Variants in MAPRE2 observed in about 807,000 individuals in gnomAD.
MAPRE2 encodes microtubule-associated protein RP/EB family member 2.
Under a neutral mutation model 43.2 loss-of-function variants are expected in MAPRE2, and 13 were observed. The observed-to-expected ratio is 0.30, with a 90% CI of 0.20 to 0.48. The LOEUF (loss-of-function observed/expected upper bound fraction) is 0.48. Ranked by LOEUF, MAPRE2 falls within the 20% of genes least tolerant of loss-of-function variation. MAPRE2 has a pLI of 0.99. For missense variants in MAPRE2, 161 were observed against 400.2 expected (o/e 0.40, Z 5.10); for synonymous variants, 135 against 148.8 (o/e 0.91, Z 0.68).
At chr18:35,014,052 A>G (rs1167298902) in intron 2 of MAPRE2, among the ~76,000 whole-genome samples, 1 of 152,158 alleles carries the variant, frequency 6.6e-6, no homozygotes, top group Non-Finnish European at 1.5e-5. Flanking sequence ...GGCAGGAGGC[A>G]AGAGGGGAGA....
intron 2 of MAPRE2, among the ~76,000 whole-genome samples, chr18:35,087,871 T>G (rs542752966): frequency 1.4e-4 from 22 of 152,346 alleles, no homozygotes; most frequent in Admixed American, 3.9e-4. Flanking sequence ...TTCTGGAGGC[T>G]AAGAAGTCCA....
At chr18:35,042,255 A>G (rs1905405905) in intron 1 of MAPRE2, among the ~76,000 whole-genome samples, 1 of 152,212 alleles carries the variant, frequency 6.6e-6, no homozygotes. Context: ...TAGGTTTATT[A>G]GAAAGAGACT....
chr18:34,982,918 C>G lies in MAPRE2; in HGVS notation c.-70+5839C>G, dbSNP rs1224788709. 2.0e-5 allele frequency among the ~76,000 whole-genome samples: 3 copies of G among 151,904 alleles called. No homozygotes were observed. The East Asian group carries it at 5.8e-4, about 30-fold the overall frequency. On this transcript the variant is annotated intron_variant, in intron 1 of 7. Coordinates refer to the MAPRE2 transcript ENST00000413393. ...AATACTAGAGGACACTTGAAAATTA[C>G]ATGAAATTCAAATTTCTGTGTCCAA...
intron 1 of MAPRE2, among the ~76,000 whole-genome samples, chr18:35,046,879 A>C (rs944449374): frequency 1.3e-5 from 2 of 152,210 alleles, no homozygotes; most frequent in Admixed American, 6.5e-5. Context: ...TTATATTTGC[A>C]GATGCCCACT....
intron 1 of MAPRE2, among the ~76,000 whole-genome samples, chr18:35,065,611 T>C (rs1205200814): frequency 6.6e-6 from 1 of 152,024 alleles, no homozygotes; most frequent in Non-Finnish European, 1.5e-5. Flanking sequence ...TGGAGTGCAG[T>C]GGCCCAATCT....
chr18:35,140,232 G>A, intron 6 of MAPRE2, 63 bp from the exon 7 acceptor site: 1 of 1,451,630 alleles, frequency 6.9e-7, no homozygotes, highest in South Asian at 1.2e-5. Context: ...GCAATGGGCT[G>A]GGATGCTGCA....
chr18:35,142,579 C>G lies in MAPRE2; in HGVS notation c.*2210C>G, dbSNP rs138732589. The G allele has an allele frequency of 2.0e-5, 3 of 152,340 alleles. No individual in the cohort carries two copies. Among genetic ancestry groups the G allele is most frequent in the Non-Finnish European group, 2.9e-5 (2 of 68,072 alleles). The allele number at this position is 152,340 out of a possible 1,614,324, so 9.4% of individuals were successfully genotyped here. A position where few individuals can be genotyped will look rare whatever the true frequency, so the allele number is the denominator to read the frequency against. ...TCTTAGCCTGCAAAGAGAACTTTCC[C>G]CAGTCACCATAGACCATTCTCCTTC... On this transcript the variant is annotated 3_prime_UTR_variant, in exon 7 of 7. Coordinates refer to ENST00000300249, the MANE Select transcript of MAPRE2 (RefSeq NM_014268.4).
chr18:34,994,086 A>C (rs1047166210), intron 1 of MAPRE2, among the ~76,000 whole-genome samples: 18 of 149,754 alleles, frequency 1.2e-4, no homozygotes, highest in African/African-American at 4.4e-4. Flanking sequence ...TGCTTTGCAG[A>C]TCATCTGAGC....
intron 4 of MAPRE2, among the ~76,000 whole-genome samples, chr18:35,123,077 G>A (rs145370469): frequency 3.3e-5 from 5 of 152,230 alleles, no homozygotes; most frequent in Admixed American, 6.5e-5. Context: ...GATTCTCCCT[G>A]CGTGTCTCAC....
rs73949045 is a variant in MAPRE2 at position 35,000,487 on chromosome 18, G to C, written c.-69-5005G>C. 7.5e-3 allele frequency among the ~76,000 whole-genome samples: 1,146 copies of C among 152,288 alleles called. 9 individuals are homozygous for C. The highest frequency in any genetic ancestry group is 0.026 in the African/African-American group (1,082 of 41,570). ...AGCAGTCTTTGCCAGAGGATGGGGG[G>C]ACTCCCTAGCTAGGATAGAGGTTCT... On this transcript the variant is annotated intron_variant, in intron 1 of 7. Coordinates refer to the MAPRE2 transcript ENST00000413393.
intron 2 of MAPRE2, among the ~76,000 whole-genome samples, chr18:35,093,546 A>G (rs1908260068): frequency 6.6e-6 from 1 of 152,234 alleles, no homozygotes; most frequent in South Asian, 2.1e-4. Flanking sequence ...ATAGATGTTT[A>G]AAAAGTGGTA....
intron 1 of MAPRE2, among the ~76,000 whole-genome samples, chr18:35,063,303 T>A (rs1305982524): frequency 6.6e-6 from 1 of 151,946 alleles, no homozygotes; most frequent in Non-Finnish European, 1.5e-5. Flanking sequence ...GAGATGGGGT[T>A]TCACCGTGTT....
At chr18:35,030,437 A>G (rs1386570533) in intron 2 of MAPRE2, among the ~76,000 whole-genome samples, 1 of 152,226 alleles carries the variant, frequency 6.6e-6, no homozygotes, top group Non-Finnish European at 1.5e-5. Flanking sequence ...AGGGAAAAAG[A>G]ATGACATGTT....
chr18:35,081,351 T>A (rs1907620777), intron 2 of MAPRE2, among the ~76,000 whole-genome samples: 1 of 152,202 alleles, frequency 6.6e-6, no homozygotes, highest in African/African-American at 2.4e-5. Context: ...TATTTTGGGA[T>A]TAACCTGGGA....
chr18:35,081,158 G>A (rs747563632), intron 2 of MAPRE2, among the ~76,000 whole-genome samples: 1 of 152,160 alleles, frequency 6.6e-6, no homozygotes, highest in Non-Finnish European at 1.5e-5. Flanking sequence ...GCAGAATTGT[G>A]TTAAAATCTA....
intron 2 of MAPRE2, among the ~76,000 whole-genome samples, chr18:35,088,981 A>G (rs1325124869): frequency 1.3e-5 from 2 of 152,222 alleles, no homozygotes; most frequent in East Asian, 3.8e-4. Flanking sequence ...AGGAGGAGAT[A>G]GTACATAGCT....
At chr18:35,007,197 AG>A (rs1331589152) in intron 2 of MAPRE2, among the ~76,000 whole-genome samples, 1 of 152,162 alleles carries the variant, frequency 6.6e-6, no homozygotes, top group Non-Finnish European at 1.5e-5. Context: ...CCCTTATAGT[AG>A]GTGGTCCATA....
rs1207216169 is a variant in MAPRE2, at chr18:35,057,271, T to C, written c.123-12924T>C. On this transcript the variant is annotated intron_variant, in intron 1 of 6. Coordinates refer to ENST00000300249, the MANE Select transcript of MAPRE2 (RefSeq NM_014268.4). ...CTCAGGTGATCAACCCGCCTCAGCC[T>C]CCCAAAGCGCTAGTATTACAGGCAT... is the stretch of plus-strand genomic sequence containing the variant. 2.6e-5 allele frequency among the ~76,000 whole-genome samples: 4 copies of C among 152,168 alleles called. No homozygotes were observed. In the East Asian group the frequency reaches 7.7e-4, roughly 29 times the overall value.
rs146821683 is a variant in MAPRE2 at position 34,989,553 on chromosome 18, A to C, written c.-70+12474A>C. ...AGTGAGACCCTATGTTTACCAAAAA[A>C]TTTTGAAAAAATTGCCAGGCATGGT... On this transcript the variant is annotated intron_variant, in intron 1 of 7. Coordinates refer to the MAPRE2 transcript ENST00000413393. Among the ~76,000 whole-genome samples the C allele has an allele frequency of 4.7e-3, 722 of 152,218 alleles. 15 individuals carry two copies. Among genetic ancestry groups the C allele is most frequent in the Admixed American group, 0.025 (385 of 15,286 alleles).
Sources: allele counts gnomAD v4.1 joint callset (sites outside exome capture counted in the v4.1 genomes callset), GRCh38; gene constraint gnomAD v4.1.1; transcripts MANE v1.5; gene names NCBI Gene and HGNC (gene_info 2026-07-23, HGNC 2026-07-21).